Variants in SAMD12 observed in about 807,000 individuals in gnomAD.
SAMD12 encodes the protein sterile alpha motif domain containing 12.
In SAMD12, 9 loss-of-function variants were observed where a neutral mutation model predicts 15.0. That is an observed-to-expected ratio of 0.60 (90% confidence interval 0.36 to 1.05). The LOEUF is 1.05. Among genes scored for constraint, SAMD12 ranks in the 50% least tolerant of loss-of-function variants. SAMD12 has a pLI of 0.01. For missense variants in SAMD12, 230 were observed against 234.2 expected (o/e 0.98, Z 0.12); for synonymous variants, 86 against 90.1 (o/e 0.96, Z 0.25).
intron 2 of SAMD12, among the ~76,000 whole-genome samples, chr8:118,468,703 G>A (rs1213942605): frequency 6.6e-6 from 1 of 151,814 alleles, no homozygotes; most frequent in Non-Finnish European, 1.5e-5. Context: ...TTTCACCTCT[G>A]TTACAACTTG....
At chr8:118,246,268 C>T (rs763097218) in intron 4 of SAMD12, among the ~76,000 whole-genome samples, 2 of 152,160 alleles carry the variant, frequency 1.3e-5, no homozygotes, top group Non-Finnish European at 1.5e-5. Flanking sequence ...CCAATCATGA[C>T]ACTCATATCT....
intron 1 of SAMD12, among the ~76,000 whole-genome samples, chr8:118,595,455 A>C (rs953152876): frequency 2.0e-5 from 3 of 152,224 alleles, no homozygotes; most frequent in African/African-American, 7.2e-5. Flanking sequence ...AGTTCTCAAT[A>C]TGACAGCCAT....
intron 3 of SAMD12, among the ~76,000 whole-genome samples, chr8:118,420,904 T>C (rs180893411): frequency 2.0e-4 from 31 of 152,318 alleles, no homozygotes; most frequent in Non-Finnish European, 4.1e-4. Context: ...GCCACCTGTT[T>C]TTGTAAATAA....
chr8:118,455,563 T>C (rs1254513315), intron 2 of SAMD12, among the ~76,000 whole-genome samples: 1 of 152,188 alleles, frequency 6.6e-6, no homozygotes, highest in East Asian at 1.9e-4. Flanking sequence ...CCACTGGCTT[T>C]AAATATTGTC....
In SAMD12 at chr8:118,338,758, GC is replaced by G. The variant is rs527575675; in HGVS notation, c.433+40801del. 4.2e-3 allele frequency among the ~76,000 whole-genome samples: 636 copies of G among 152,250 alleles called. 2 individuals are homozygous for G. The highest frequency in any genetic ancestry group is 0.013 in the African/African-American group (549 of 41,536). On this transcript the variant is annotated intron_variant, in intron 4 of 4. Transcript: ENST00000409003. ...CTCAGCCTCCCTGGGCTAGAACACA[GC>G]CCTGTTGCTTGGAAATTAACAGGGC...
the SAMD12 span, among the ~76,000 whole-genome samples, chr8:118,157,991 G>T: frequency 4.9e-4 from 74 of 152,154 alleles, 1 homozygote; most frequent in Non-Finnish European, 9.3e-4. Context: ...AGCAGGAGAG[G>T]GAAGTCAGGT....
chr8:118,230,746 G>A (rs1051534247), intron 4 of SAMD12, among the ~76,000 whole-genome samples: 1 of 152,124 alleles, frequency 6.6e-6, no homozygotes, highest in Non-Finnish European at 1.5e-5. Context: ...GCCCTGGAGT[G>A]CAAATAAACT....
At chr8:118,208,940 A>G (rs1424076632) in intron 4 of SAMD12, among the ~76,000 whole-genome samples, 1 of 152,162 alleles carries the variant, frequency 6.6e-6, no homozygotes, top group Non-Finnish European at 1.5e-5. Context: ...TCTGTTCTCC[A>G]TCATGTTCCC....
chr8:118,314,053 C>T (rs1815759371), intron 4 of SAMD12, among the ~76,000 whole-genome samples: 1 of 152,076 alleles, frequency 6.6e-6, no homozygotes, highest in Non-Finnish European at 1.5e-5. Context: ...TAATTCTAAA[C>T]ATCTTTAAAT....
At chr8:118,416,907 G>C (rs944271720) in intron 3 of SAMD12, among the ~76,000 whole-genome samples, 8 of 151,970 alleles carry the variant, frequency 5.3e-5, no homozygotes, top group Non-Finnish European at 1.0e-4. Flanking sequence ...TATTCCAGAG[G>C]GTTTTTTTTT....
the SAMD12 span, among the ~76,000 whole-genome samples, chr8:118,136,632 A>G: frequency 6.6e-6 from 1 of 152,160 alleles, no homozygotes; most frequent in East Asian, 1.9e-4. Context: ...GTTTCCTTTA[A>G]CCTTTGAAAA....
the SAMD12 span, among the ~76,000 whole-genome samples, chr8:118,180,735 G>A: frequency 5.3e-5 from 8 of 150,700 alleles, no homozygotes; most frequent in Non-Finnish European, 9.0e-5. Context: ...ACCACACCCA[G>A]CTATTTGGTA....
intron 2 of SAMD12, among the ~76,000 whole-genome samples, chr8:118,478,504 TTA>T (rs1263172974): frequency 6.6e-6 from 1 of 152,238 alleles, no homozygotes; most frequent in African/African-American, 2.4e-5. Context: ...TAGATTTTAT[TTA>T]AAACATTTCT....
chr8:118,316,044 C>T (rs747746679), intron 4 of SAMD12, among the ~76,000 whole-genome samples: 7 of 152,054 alleles, frequency 4.6e-5, no homozygotes, highest in South Asian at 4.1e-4. Context: ...CTTATTTTTG[C>T]GTAATGGCAT....
At chr8:118,165,635 T>TATATAC in the SAMD12 span, among the ~76,000 whole-genome samples, 1 of 129,432 alleles carries the variant, frequency 7.7e-6, no homozygotes, top group East Asian at 2.2e-4. Flanking sequence ...TATATATATA[T>TATATAC]ACATATATAT....
chr8:118,522,420 A>C (rs1825416160), intron 2 of SAMD12, among the ~76,000 whole-genome samples: 1 of 152,160 alleles, frequency 6.6e-6, no homozygotes, highest in African/African-American at 2.4e-5. Context: ...CATGTATCAA[A>C]CTGAATTAAG....
At chr8:118,366,907 A>T (rs563469497) in intron 4 of SAMD12, among the ~76,000 whole-genome samples, 1 of 93,906 alleles carries the variant, frequency 1.1e-5, no homozygotes, top group African/African-American at 4.4e-5. Flanking sequence ...AATAAAATAA[A>T]ATAAAATAAA....
chr8:118,263,341 G>A (rs1161601393), intron 4 of SAMD12, among the ~76,000 whole-genome samples: 1 of 152,030 alleles, frequency 6.6e-6, no homozygotes, highest in Non-Finnish European at 1.5e-5. Context: ...ATTTTTCACT[G>A]TCAAATGTAG....
intron 4 of SAMD12, among the ~76,000 whole-genome samples, chr8:118,302,090 T>G (rs1189374573): frequency 6.9e-6 from 1 of 145,356 alleles, no homozygotes; most frequent in East Asian, 2.0e-4. Context: ...TTTTTTTTTT[T>G]TTTTTTTTTT....
Sources: allele counts gnomAD v4.1 joint callset (sites outside exome capture counted in the v4.1 genomes callset), GRCh38; gene constraint gnomAD v4.1.1; transcripts MANE v1.5; gene names NCBI Gene and HGNC (gene_info 2026-07-23, HGNC 2026-07-21).